ARHGAP15: variants seen among roughly 807,000 people sequenced by gnomAD.
ARHGAP15 encodes the protein rho GTPase-activating protein 15.
ARHGAP15 carries 51 observed loss-of-function variants against 63.7 expected under a neutral mutation model. The observed-to-expected ratio is 0.80, with a 90% CI of 0.64 to 1.01. The LOEUF (loss-of-function observed/expected upper bound fraction) is 1.01. ARHGAP15 is among the 50% of genes least tolerant of loss of function. The probability of loss-of-function intolerance (pLI) is 0.00; values close to 1 mark genes in which losing one functional copy is unlikely to be tolerated. For missense variants in ARHGAP15, 560 were observed against 564.6 expected, an observed-to-expected ratio of 0.99 and a Z score of 0.08; for synonymous variants, 191 against 193.8, an observed-to-expected ratio of 0.99 and a Z score of 0.12.
chr2:143,246,226 G>A (rs187740063), intron 5 of ARHGAP15, among the ~76,000 whole-genome samples: 2 of 151,992 alleles, frequency 1.3e-5, no homozygotes, highest in East Asian at 3.9e-4. Context: ...TAAGTTGAAA[G>A]CAATGGTAAT....
rs190997755 is a variant in ARHGAP15 at position 143,636,185 on chromosome 2, G to A, written c.1138+11918G>A. Among the ~76,000 whole-genome samples, 46 of 152,128 alleles carry A rather than the reference G, an allele frequency of 3.0e-4. 1 individual carries two copies. The East Asian group carries it at 7.4e-3, about 24-fold the overall frequency. The stretch of plus-strand genomic sequence containing the variant: ...AGATCTAATTAGTACCATCTGTCCC[G>A]CTAGTTGCAGGTGGTTACTGTCTTA... On this transcript the variant is annotated intron_variant, in intron 12 of 13. Transcript: ENST00000295095.
At chr2:143,346,236 T>A (rs75262208) in intron 6 of ARHGAP15, among the ~76,000 whole-genome samples, 11,365 of 82,272 alleles carry the variant, frequency 0.14, 740 homozygotes, top group East Asian at 0.31. Flanking sequence ...ACACTCTCTC[T>A]CACACACACA....
At chr2:143,335,062 GATAA>G (rs1371944934) in intron 6 of ARHGAP15, among the ~76,000 whole-genome samples, 1 of 152,148 alleles carries the variant, frequency 6.6e-6, no homozygotes, top group Non-Finnish European at 1.5e-5. Context: ...GCATAACAAA[GATAA>G]ATAGATGTCT....
chr2:143,395,137 G>T (rs1266594935), intron 6 of ARHGAP15, among the ~76,000 whole-genome samples: 1 of 152,024 alleles, frequency 6.6e-6, no homozygotes, highest in Non-Finnish European at 1.5e-5. Flanking sequence ...AATGATAGTT[G>T]TTTACATTAA....
intron 13 of ARHGAP15, among the ~76,000 whole-genome samples, chr2:143,764,602 T>C (rs1027840153): frequency 6.6e-6 from 1 of 152,062 alleles, no homozygotes; most frequent in Non-Finnish European, 1.5e-5. Context: ...GAGTTATCCC[T>C]CCACCCACCC....
At position 143,519,363 on chromosome 2, in the gene ARHGAP15, A is replaced by T. The variant is rs1218181840; in HGVS notation, c.924A>T (p.Arg308Ser). 4.3e-6 allele frequency: 7 copies of T among 1,611,386 alleles called. No homozygotes were observed. Among genetic ancestry groups the T allele is most frequent in the Non-Finnish European group, 4.2e-6 (5 of 1,177,958 alleles). ...AATGCATTGAAGCTGTTGAGAAAAG[A>T]GGTGGGTGACTGAATGTGCAGCAGT... ...VKQCIEAVEK[R>S]GLDVDGIYRV... is the part of the protein sequence containing the mutation. Residue 308 changes from arginine (R) to serine (S), a missense_variant and splice_region_variant, in exon 10 of 14, where the codon AGA becomes AGT. By Grantham distance (110) the Arg-to-Ser change is moderately radical (BLOSUM62 -1). Transcript: ENST00000295095.
chr2:143,641,021 A>G (rs1343391218), intron 12 of ARHGAP15: 1 of 152,106 alleles, frequency 6.6e-6, no homozygotes, highest in Non-Finnish European at 1.5e-5. Context: ...CTGGTGTGAC[A>G]ACCATCATCA....
At chr2:143,266,012 A>G (rs1008347844) in intron 6 of ARHGAP15, among the ~76,000 whole-genome samples, 24 of 151,148 alleles carry the variant, frequency 1.6e-4, no homozygotes, top group Admixed American at 5.3e-4. Flanking sequence ...ATTCAGTTAC[A>G]TCAAACTCTA....
intron 1 of ARHGAP15, among the ~76,000 whole-genome samples, chr2:143,145,721 C>G (rs1689554785): frequency 6.6e-6 from 1 of 151,894 alleles, no homozygotes; most frequent in Non-Finnish European, 1.5e-5. Flanking sequence ...CAAACTGAAC[C>G]TTTCGTCACC....
chr2:143,514,569 T>C (rs6727288), intron 9 of ARHGAP15, among the ~76,000 whole-genome samples: 72,864 of 152,104 alleles, frequency 0.48, 17,840 homozygotes, highest in East Asian at 0.78. Context: ...TTAGATCATA[T>C]TTCACCAAAA....
chr2:143,153,939 G>A (rs1030144588), intron 1 of ARHGAP15, among the ~76,000 whole-genome samples: 19 of 139,958 alleles, frequency 1.4e-4, no homozygotes, highest in African/African-American at 4.9e-4. Context: ...TTCACTCAGC[G>A]GAATAGATTT....
At chr2:143,187,930 T>C (rs965658352) in intron 2 of ARHGAP15, among the ~76,000 whole-genome samples, 5 of 152,228 alleles carry the variant, frequency 3.3e-5, no homozygotes, top group African/African-American at 1.2e-4. Flanking sequence ...AAGTTATACA[T>C]GAAGTTAAGA....
chr2:143,471,223 CAT>C (rs1491120154), intron 8 of ARHGAP15, among the ~76,000 whole-genome samples: 44 of 145,582 alleles, frequency 3.0e-4, no homozygotes, highest in Middle Eastern at 7.0e-3. Flanking sequence ...TATACACACA[CAT>C]GTGTATGTGT....
chr2:143,609,660 G>A (rs1698178207), intron 11 of ARHGAP15, among the ~76,000 whole-genome samples: 1 of 152,088 alleles, frequency 6.6e-6, no homozygotes, highest in Non-Finnish European at 1.5e-5. Flanking sequence ...ATATGGGATT[G>A]ATGTGTTTGT....
chr2:143,369,464 C>T (rs1020468139), intron 6 of ARHGAP15, among the ~76,000 whole-genome samples: 3 of 151,932 alleles, frequency 2.0e-5, no homozygotes, highest in Admixed American at 6.6e-5. Context: ...ATTAGAATAC[C>T]TTTTAATTAC....
intron 9 of ARHGAP15, among the ~76,000 whole-genome samples, chr2:143,504,385 G>A (rs1218800666): frequency 6.6e-6 from 1 of 152,146 alleles, no homozygotes; most frequent in Admixed American, 6.5e-5. Flanking sequence ...ATTCCAGCCT[G>A]CTTGGAAGGA....
chr2:143,304,385 A>G (rs893462659), intron 6 of ARHGAP15, among the ~76,000 whole-genome samples: 2 of 152,062 alleles, frequency 1.3e-5, no homozygotes, highest in African/African-American at 4.8e-5. Context: ...ATTCTCACAC[A>G]TAGGTGGGAA....
At chr2:143,669,962 G>A (rs1682431945) in intron 12 of ARHGAP15, among the ~76,000 whole-genome samples, 1 of 152,106 alleles carries the variant, frequency 6.6e-6, no homozygotes, top group Non-Finnish European at 1.5e-5. Flanking sequence ...AAGCAACAAG[G>A]GTAGCATCCT....
intron 12 of ARHGAP15, among the ~76,000 whole-genome samples, chr2:143,647,220 T>C (rs1680923712): frequency 6.6e-6 from 1 of 151,334 alleles, no homozygotes; most frequent in Non-Finnish European, 1.5e-5. Flanking sequence ...TGGGTATGAG[T>C]GGAAGTATGT....
Sources: gnomAD v4.1 joint callset for allele counts (sites outside exome capture counted in the v4.1 genomes callset) on GRCh38, gnomAD v4.1.1 for gene constraint, MANE v1.5 for transcripts, NCBI Gene and HGNC (gene_info 2026-07-23, HGNC 2026-07-21) for gene names.